SPAG6: variants seen among roughly 807,000 people sequenced by gnomAD.
SPAG6 encodes sperm associated antigen 6, also known as sperm-associated antigen 6.
SPAG6 carries 49 observed loss-of-function variants against 58.5 expected under a neutral mutation model. The observed-to-expected ratio is 0.84, with a 90% CI of 0.67 to 1.06. The LOEUF is 1.06. Among genes scored for constraint, SPAG6 ranks in the 50% least tolerant of loss-of-function variants. The pLI is 0.00. For synonymous variants in SPAG6, 233 were observed against 225.6 expected (o/e 1.03, Z -0.29); for missense variants, 560 against 611.3 (o/e 0.92, Z 0.89).
At chr10:22,359,900 A>G (rs1836987372) in intron 2 of SPAG6, among the ~76,000 whole-genome samples, 1 of 152,154 alleles carries the variant, frequency 6.6e-6, no homozygotes, top group African/African-American at 2.4e-5. Flanking sequence ...ACTTGTTTTT[A>G]AAAGAACAAA....
chr10:22,412,474 C>T, intron 10 of SPAG6: 2 of 1,531,276 alleles, frequency 1.3e-6, no homozygotes, highest in Non-Finnish European at 1.7e-6. Flanking sequence ...CAAGTTTGTG[C>T]ACTTTTTAGG....
chr10:22,359,334 T>C, intron 2 of SPAG6: 1 of 356,974 alleles, frequency 2.8e-6, no homozygotes, highest in Non-Finnish European at 3.9e-6. Context: ...CTGTTGGAAT[T>C]TGAATTTTTA....
chr10:22,359,415 A>C lies in SPAG6; in HGVS notation c.122-5438A>C, dbSNP rs557312442. Reference sequence around the variant, plus strand: ...AATTTATGATTTTTTTTTGAGATGGAGTCTCATTCACTCTGTCACCCAGGC... The same window carrying C: ...AATTTATGATTTTTTTTTGAGATGGCGTCTCATTCACTCTGTCACCCAGGC... On this transcript the variant is annotated intron_variant, in intron 2 of 10. Transcript: ENST00000376624. 8.4e-5 allele frequency: 24 copies of C among 285,890 alleles called. No individual in the cohort carries two copies. In the East Asian group the frequency reaches 3.3e-3, roughly 39 times the overall value. 17.7% of individuals were successfully genotyped at this position (285,890 alleles called of 1,614,324 possible). A position where few individuals can be genotyped will look rare whatever the true frequency, so the allele number is the denominator to read the frequency against.
intron 8 of SPAG6, among the ~76,000 whole-genome samples, chr10:22,399,257 T>C (rs776242537): frequency 3.3e-5 from 5 of 152,210 alleles, no homozygotes; most frequent in Admixed American, 6.5e-5. Context: ...TTCAGAATAT[T>C]TTCATCATCC....
intron 8 of SPAG6, among the ~76,000 whole-genome samples, chr10:22,400,351 A>G (rs1314416579): frequency 6.6e-6 from 1 of 152,130 alleles, no homozygotes; most frequent in Non-Finnish European, 1.5e-5. Flanking sequence ...GAAGCTTTCC[A>G]AACTGAAGGG....
At chr10:22,391,473 C>T (rs1834181753) in intron 7 of SPAG6, among the ~76,000 whole-genome samples, 1 of 152,102 alleles carries the variant, frequency 6.6e-6, no homozygotes, top group Non-Finnish European at 1.5e-5. Flanking sequence ...TGGTTAAATA[C>T]CTCTCTATTT....
intron 4 of SPAG6, among the ~76,000 whole-genome samples, chr10:22,378,391 A>G (rs1490961782): frequency 6.8e-6 from 1 of 147,870 alleles, no homozygotes; most frequent in Non-Finnish European, 1.5e-5. Context: ...ACATGCATAC[A>G]TTGCATAGTG....
At position 22,417,438 on chromosome 10, in the gene SPAG6, A is replaced by C. The variant is rs1474652563; in HGVS notation, c.*750A>C. 6.6e-6 allele frequency: 1 copy of C among 152,208 alleles called. No homozygotes were observed. Among genetic ancestry groups the C allele is most frequent in the Non-Finnish European group, 1.5e-5 (1 of 68,034 alleles). 9.4% of individuals were successfully genotyped at this position (152,208 alleles called of 1,614,324 possible). On this transcript the variant is annotated 3_prime_UTR_variant, in exon 11 of 11. Transcript: ENST00000376624. ...GAATGAACAAAGAAGCAGGCATGTA[A>C]AATGGATCCTTGTCCTAACGTCACT...
chr10:22,360,752 C>G, intron 2 of SPAG6: 1 of 1,495,818 alleles, frequency 6.7e-7, no homozygotes, highest in Non-Finnish European at 9.0e-7. Flanking sequence ...TTGCTCCTTA[C>G]TAGAGGCCTT....
intron 2 of SPAG6, among the ~76,000 whole-genome samples, chr10:22,351,044 G>A (rs1199105844): frequency 6.6e-6 from 1 of 152,124 alleles, no homozygotes; most frequent in Non-Finnish European, 1.5e-5. Context: ...TGTTTTATGT[G>A]ATTCTAGGAA....
At position 22,345,519 on chromosome 10, in the gene SPAG6, C is replaced by T; in HGVS notation, c.-93C>T. 2.7e-6 allele frequency: 3 copies of T among 1,108,108 alleles called. No individual in the cohort carries two copies. Among genetic ancestry groups the T allele is most frequent in the Non-Finnish European group, 3.8e-6 (3 of 790,446 alleles). 68.6% of individuals were successfully genotyped at this position (1,108,108 alleles called of 1,614,324 possible). A position where few individuals can be genotyped will look rare whatever the true frequency, so the allele number is the denominator to read the frequency against. On this transcript the variant is annotated 5_prime_UTR_variant, in exon 1 of 11. Coordinates refer to ENST00000376624, the MANE Select transcript of SPAG6 (RefSeq NM_012443.4). The surrounding 1 kb of genome is among the most constrained non-coding windows in gnomAD (Gnocchi z 6.3). ...ACAGAGAAGCGGCTCCCGTCGGAGG[C>T]CGAGTCGTCGCCACGATCGCCCCCT...
chr10:22,367,407 C>T (rs1262958435), intron 3 of SPAG6, among the ~76,000 whole-genome samples: 1 of 152,014 alleles, frequency 6.6e-6, no homozygotes, highest in Admixed American at 6.6e-5. Flanking sequence ...ATATTAGCAA[C>T]ATATACTGAT....
intron 8 of SPAG6, among the ~76,000 whole-genome samples, chr10:22,394,109 T>C (rs1231865258): frequency 2.0e-5 from 3 of 152,224 alleles, no homozygotes; most frequent in South Asian, 2.1e-4. Context: ...TATTATTGAA[T>C]TGTAAGAGTT....
chr10:22,346,664 A>AT (rs1836567389), intron 2 of SPAG6, among the ~76,000 whole-genome samples: 1 of 152,018 alleles, frequency 6.6e-6, no homozygotes, highest in Non-Finnish European at 1.5e-5. Context: ...CTAACACATA[A>AT]TTTAAACAAT....
At chr10:22,359,428 C>T (rs1836967599) in intron 2 of SPAG6, 1 of 244,766 alleles carries the variant, frequency 4.1e-6, no homozygotes, top group Non-Finnish European at 6.5e-6. Flanking sequence ...CTCATTCACT[C>T]TGTCACCCAG....
intron 8 of SPAG6, among the ~76,000 whole-genome samples, chr10:22,396,668 ATTT>A (rs1464526431): frequency 1.3e-5 from 2 of 151,026 alleles, no homozygotes; most frequent in African/African-American, 5.0e-5. Flanking sequence ...TGTCAATTTT[ATTT>A]TGTTAATTGC....
At chr10:22,396,294 C>T (rs928862534) in intron 8 of SPAG6, among the ~76,000 whole-genome samples, 2 of 152,100 alleles carry the variant, frequency 1.3e-5, no homozygotes, top group Non-Finnish European at 2.9e-5. Context: ...CCATACTGTT[C>T]TTGTGGTAGG....
Position 22,345,545 on chromosome 10 carries a change from T to G in SPAG6, c.-67T>G. 2 of 1,380,670 alleles carry G rather than the reference T, an allele frequency of 1.4e-6. No individual in the cohort carries two copies. Among genetic ancestry groups the G allele is most frequent in the South Asian group, 1.3e-5 (1 of 77,118 alleles). 85.5% of individuals were successfully genotyped at this position (1,380,670 alleles called of 1,614,324 possible). A position where few individuals can be genotyped will look rare whatever the true frequency, so the allele number is the denominator to read the frequency against. On this transcript the variant is annotated 5_prime_UTR_variant, in exon 1 of 11. Coordinates refer to ENST00000376624, the MANE Select transcript of SPAG6 (RefSeq NM_012443.4). This position sits in a 1 kb window ranked among gnomAD's most constrained non-coding sequence, Gnocchi z 6.3. ...CGAGTCGTCGCCACGATCGCCCCCT[T>G]GGTGGACTCGCAGGCCGAGCGGCTT... is the stretch of plus-strand genomic sequence containing the variant.
At chr10:22,399,311 C>T (rs144632956) in intron 8 of SPAG6, among the ~76,000 whole-genome samples, 2 of 152,284 alleles carry the variant, frequency 1.3e-5, no homozygotes, top group African/African-American at 4.8e-5. Context: ...CCCTCTTCCT[C>T]CTCTCAATTA....
Sources: allele counts gnomAD v4.1 joint callset (sites outside exome capture counted in the v4.1 genomes callset), GRCh38; gene constraint gnomAD v4.1.1; non-coding constraint Gnocchi (gnomAD v3.1); transcripts MANE v1.5; gene names NCBI Gene and HGNC (gene_info 2026-07-23, HGNC 2026-07-21).